Variants in PRICKLE2 observed in about 807,000 individuals in gnomAD.
PRICKLE2 encodes prickle planar cell polarity protein 2.
PRICKLE2 carries 21 observed loss-of-function variants against 81.4 expected under a neutral mutation model. That is an observed-to-expected ratio of 0.26 (90% CI 0.18 to 0.37). PRICKLE2 has a LOEUF of 0.37. PRICKLE2 is among the 10% of genes least tolerant of loss of function. The probability of loss-of-function intolerance (pLI) is 1.00; values close to 1 mark genes in which losing one functional copy is unlikely to be tolerated. For missense variants in PRICKLE2, 940 were observed against 1,109.0 expected, an observed-to-expected ratio of 0.85 and a Z score of 2.16; for synonymous variants, 456 against 421.5, an observed-to-expected ratio of 1.08 and a Z score of -1.00.
intron 3 of PRICKLE2, among the ~76,000 whole-genome samples, chr3:64,162,225 T>G (rs572159652): frequency 6.6e-6 from 1 of 152,276 alleles, no homozygotes; most frequent in East Asian, 1.9e-4. Flanking sequence ...AAATTACATT[T>G]TTGTTTTAAA....
intron 5 of PRICKLE2, among the ~76,000 whole-genome samples, chr3:64,155,682 A>G (rs2077624032): frequency 6.6e-6 from 1 of 152,244 alleles, no homozygotes; most frequent in African/African-American, 2.4e-5. Context: ...ATACAACTGA[A>G]TATTATTCAG....
chr3:64,111,437 T>A (rs1339317977), intron 7 of PRICKLE2, among the ~76,000 whole-genome samples: 3 of 152,126 alleles, frequency 2.0e-5, no homozygotes, highest in African/African-American at 7.2e-5. Context: ...TGCCTTTTAT[T>A]ACTGTGAATA....
At chr3:64,221,774 A>G (rs536966503) in intron 1 of PRICKLE2, among the ~76,000 whole-genome samples, 1 of 152,344 alleles carries the variant, frequency 6.6e-6, no homozygotes, top group South Asian at 2.1e-4. Flanking sequence ...GCTTACAGAC[A>G]GCACAGAAGA....
At chr3:64,139,430 C>A (rs1009076659) in intron 7 of PRICKLE2, among the ~76,000 whole-genome samples, 1 of 152,232 alleles carries the variant, frequency 6.6e-6, no homozygotes, top group African/African-American at 2.4e-5. Flanking sequence ...TGCCAATTTC[C>A]TCTCCTAAGT....
chr3:64,216,492 A>G (rs541163621), intron 1 of PRICKLE2, among the ~76,000 whole-genome samples: 5 of 152,232 alleles, frequency 3.3e-5, no homozygotes, highest in East Asian at 1.9e-4. Flanking sequence ...CAGATGCTCA[A>G]TTGCTATTTC....
At chr3:64,123,501 C>T (rs1398907654) in intron 7 of PRICKLE2, among the ~76,000 whole-genome samples, 1 of 152,192 alleles carries the variant, frequency 6.6e-6, no homozygotes, top group Non-Finnish European at 1.5e-5. Flanking sequence ...TGAGCATCAC[C>T]TTATTGCATC....
chr3:64,204,567 A>G (rs1457732333), intron 1 of PRICKLE2, among the ~76,000 whole-genome samples: 2 of 118,450 alleles, frequency 1.7e-5, no homozygotes, highest in Non-Finnish European at 3.8e-5. Context: ...CTTCTGAACA[A>G]CAACAACAAC....
intron 1 of PRICKLE2, among the ~76,000 whole-genome samples, chr3:64,214,897 G>C (rs1337803556): frequency 6.6e-6 from 1 of 152,004 alleles, no homozygotes; most frequent in Non-Finnish European, 1.5e-5. Flanking sequence ...CTTGGTGCAC[G>C]GGATGAGTCT....
chr3:64,250,696 A>G (rs1468569051), intron 2 of PRICKLE2, among the ~76,000 whole-genome samples: 8 of 152,328 alleles, frequency 5.3e-5, no homozygotes, highest in Admixed American at 3.3e-4. Flanking sequence ...GCAACCCAGA[A>G]AGGCCTGATT....
intron 1 of PRICKLE2, among the ~76,000 whole-genome samples, chr3:64,215,292 A>G (rs77927375): frequency 0.18 from 26,702 of 152,082 alleles, 2,595 homozygotes; most frequent in Non-Finnish European, 0.2. Flanking sequence ...TCCCTCTCTT[A>G]GGATCTTTGC....
At chr3:64,243,411 A>C (rs1052435824) in intron 2 of PRICKLE2, among the ~76,000 whole-genome samples, 1 of 152,208 alleles carries the variant, frequency 6.6e-6, no homozygotes, top group African/African-American at 2.4e-5. Context: ...GAAATTGCCA[A>C]ATATTCTTGA....
At chr3:64,185,931 C>T (rs961739357) in intron 2 of PRICKLE2, among the ~76,000 whole-genome samples, 1 of 152,208 alleles carries the variant, frequency 6.6e-6, no homozygotes, top group Non-Finnish European at 1.5e-5. Flanking sequence ...TGTCGTTCCT[C>T]CCTCTCATTT....
intron 2 of PRICKLE2, among the ~76,000 whole-genome samples, chr3:64,180,349 C>G (rs898854019): frequency 9.2e-5 from 14 of 151,990 alleles, no homozygotes; most frequent in Non-Finnish European, 1.5e-5. Flanking sequence ...GCATTTTTAC[C>G]ACTTTTCAGC....
At chr3:64,226,539 T>G (rs1216766362), upstream of PRICKLE2, among the ~76,000 whole-genome samples, 1 of 152,224 alleles carries the variant, frequency 6.6e-6, no homozygotes, top group African/African-American at 2.4e-5. Context: ...AAACACAGTC[T>G]CTGCTTTCAA....
At chr3:64,145,309 ATATATT>A (rs1373388905) in intron 7 of PRICKLE2, 12 of 144,952 alleles carry the variant, frequency 8.3e-5, no homozygotes, top group African/African-American at 3.0e-4. Flanking sequence ...ATTATATCAT[ATATATT>A]TATATATTAT....
intron 7 of PRICKLE2, among the ~76,000 whole-genome samples, chr3:64,133,982 C>A (rs996402243): frequency 6.6e-6 from 1 of 152,090 alleles, no homozygotes; most frequent in African/African-American, 2.4e-5. Flanking sequence ...AGCAACTGGC[C>A]GAGACAGAGT....
intron 7 of PRICKLE2, among the ~76,000 whole-genome samples, chr3:64,117,093 C>T (rs187602058): frequency 1.1e-4 from 16 of 152,204 alleles, no homozygotes; most frequent in South Asian, 2.1e-4. Context: ...GAACTAAAGA[C>T]GAAAACCATA....
chr3:64,104,907 C>T (rs2076730617), intron 7 of PRICKLE2, among the ~76,000 whole-genome samples: 1 of 152,226 alleles, frequency 6.6e-6, no homozygotes, highest in Non-Finnish European at 1.5e-5. Context: ...TGAGCAATAA[C>T]TGTGTACTTG....
At chr3:64,108,584 G>A (rs970483831) in intron 7 of PRICKLE2, among the ~76,000 whole-genome samples, 1 of 152,152 alleles carries the variant, frequency 6.6e-6, no homozygotes, top group Non-Finnish European at 1.5e-5. Flanking sequence ...AGTGTGATCT[G>A]TGGACCAGCC....
Sources: allele counts gnomAD v4.1 joint callset (sites outside exome capture counted in the v4.1 genomes callset), GRCh38; gene constraint gnomAD v4.1.1; transcripts MANE v1.5; gene names NCBI Gene and HGNC (gene_info 2026-07-23, HGNC 2026-07-21).